The following PCDH15 variants were observed in gnomAD, a reference collection of about 807,000 sequenced individuals.
The protein encoded by PCDH15 is protocadherin related 15, also known as protocadherin-15.
In PCDH15, 129 loss-of-function variants were observed where a neutral mutation model predicts 178.5. The ratio of observed to expected loss-of-function variants is 0.72; its 90% CI spans 0.63 to 0.84. The LOEUF (loss-of-function observed/expected upper bound fraction) is 0.84. Among genes scored for constraint, PCDH15 ranks in the 40% least tolerant of loss-of-function variants. The pLI, the probability that PCDH15 is intolerant of heterozygous loss-of-function variation, is 0.00. For missense variants in PCDH15, 2,230 were observed against 2,099.9 expected, an observed-to-expected ratio of 1.06 and a Z score of -1.21; for synonymous variants, 800 against 732.0, an observed-to-expected ratio of 1.09 and a Z score of -1.50.
intron 2 of PCDH15, among the ~76,000 whole-genome samples, chr10:55,342,191 G>A (rs1844620705): frequency 6.6e-6 from 1 of 150,924 alleles, no homozygotes; most frequent in African/African-American, 2.4e-5. Flanking sequence ...TTTGTTTTGT[G>A]AATGACCTAC....
intron 2 of PCDH15, among the ~76,000 whole-genome samples, chr10:55,017,165 GAC>G (rs1840201581): frequency 6.6e-6 from 1 of 152,062 alleles, no homozygotes; most frequent in South Asian, 2.1e-4. Context: ...TCAAAAGACA[GAC>G]AAATGTATTT....
intron 37 of PCDH15, among the ~76,000 whole-genome samples, chr10:53,809,743 T>G (rs1008401455): frequency 2.6e-5 from 4 of 152,202 alleles, no homozygotes; most frequent in African/African-American, 9.7e-5. Context: ...ATTATTTTAT[T>G]TTAGCTTGTA....
At chr10:55,300,720 C>T (rs777310484) in intron 1 of PCDH15, among the ~76,000 whole-genome samples, 1 of 152,066 alleles carries the variant, frequency 6.6e-6, no homozygotes, top group Non-Finnish European at 1.5e-5. Context: ...ATTTTTATAT[C>T]ACACAACATG....
In PCDH15 at chr10:53,870,166, A is replaced by C. The variant is rs572008784; in HGVS notation, c.3502-3309T>G. Among the ~76,000 whole-genome samples the C allele has an allele frequency of 7.2e-5, 11 of 152,320 alleles. No individual in the cohort carries two copies. The South Asian group carries it at 2.1e-3, about 29-fold the overall frequency. ...ACTTTGCAATATTCCTAATATATTA[A>C]ATTATGATAACTACAAAATAGTCAT... On this transcript the variant is annotated intron_variant, in intron 26 of 37. Coordinates refer to ENST00000644397, the MANE Select transcript of PCDH15 (RefSeq NM_001384140.1).
At chr10:54,804,372 A>T (rs73268238), upstream of PCDH15, among the ~76,000 whole-genome samples, 1 of 152,206 alleles carries the variant, frequency 6.6e-6, no homozygotes, top group Non-Finnish European at 1.5e-5. Flanking sequence ...GACAAATAGT[A>T]TACATTCCCT....
intron 1 of PCDH15, among the ~76,000 whole-genome samples, chr10:55,229,924 T>C (rs1385486375): frequency 6.6e-6 from 1 of 151,998 alleles, no homozygotes; most frequent in Non-Finnish European, 1.5e-5. Context: ...TTCTGAACTA[T>C]ATGGACAATA....
rs369816269 is a variant in PCDH15 at position 53,825,114 on chromosome 10, T to A, written c.4367+2279A>T. On this transcript the variant is annotated intron_variant, in intron 32 of 37. Transcript: ENST00000644397. ...ATCTATTTTTCTAACGCTCTTCTAT[T>A]AGAGTGATATTATTTACTTACTTAT... is the stretch of plus-strand genomic sequence containing the variant. The A allele has an allele frequency of 1.2e-5, 18 of 1,535,224 alleles. No individual in the cohort carries two copies. In the African/African-American group the frequency reaches 2.2e-4, roughly 19 times the overall value.
intron 3 of PCDH15, among the ~76,000 whole-genome samples, chr10:54,509,061 A>T (rs2081412637): frequency 6.6e-6 from 1 of 152,112 alleles, no homozygotes; most frequent in Non-Finnish European, 1.5e-5. Flanking sequence ...GTTGGTGCTC[A>T]AAAATTTTCA....
At chr10:54,030,820 A>G (rs10825194) in intron 18 of PCDH15, among the ~76,000 whole-genome samples, 65,829 of 151,628 alleles carry the variant, frequency 0.43, 15,134 homozygotes, top group Middle Eastern at 0.64. Context: ...TATTTATGGT[A>G]TGAATCACCA....
chr10:54,195,225 C>G (rs892791615), intron 11 of PCDH15, among the ~76,000 whole-genome samples: 1 of 152,146 alleles, frequency 6.6e-6, no homozygotes, highest in Non-Finnish European at 1.5e-5. Context: ...CACATAGTCA[C>G]TGGCAGAAGT....
At chr10:54,511,002 C>T (rs548873683) in intron 3 of PCDH15, among the ~76,000 whole-genome samples, 23 of 152,100 alleles carry the variant, frequency 1.5e-4, no homozygotes, top group African/African-American at 3.9e-4. Context: ...TGATGGTTAG[C>T]GTGCTTTCAG....
At chr10:55,044,809 G>C (rs1028776594) in intron 2 of PCDH15, among the ~76,000 whole-genome samples, 3 of 151,968 alleles carry the variant, frequency 2.0e-5, no homozygotes, top group African/African-American at 7.2e-5. Context: ...CATGTGTTAG[G>C]TGTTATTCAA....
At chr10:54,844,006 A>G (rs2131755108) in intron 3 of PCDH15, among the ~76,000 whole-genome samples, 1 of 152,190 alleles carries the variant, frequency 6.6e-6, no homozygotes, top group South Asian at 2.1e-4. Context: ...TATAACACAG[A>G]GCATGGCTGA....
chr10:54,537,084 C>T (rs958297240), intron 2 of PCDH15, among the ~76,000 whole-genome samples: 5 of 143,772 alleles, frequency 3.5e-5, no homozygotes, highest in Admixed American at 7.2e-5. Context: ...CTGCAAGCTC[C>T]GCCTCCCAGG....
At position 54,877,936 on chromosome 10, in the gene PCDH15, C is replaced by CTTTTTTTT. The variant is rs1954176789; in HGVS notation, c.-29+19513_-29+19514insAAAAAAAA. On this transcript the variant is annotated intron_variant, in intron 3 of 5. Coordinates refer to the PCDH15 transcript ENST00000458638. The stretch of plus-strand genomic sequence containing the variant: ...TCTCTTATTCTCTTTCTCTCTCTCT[C>CTTTTTTTT]TCTTTTTTTTTTTTTTTTTTTTTTT... Among the ~76,000 whole-genome samples the CTTTTTTTT allele has an allele frequency of 9.6e-5, 10 of 104,350 alleles. 1 individual carries two copies. The highest frequency in any genetic ancestry group is 1.6e-4 in the Non-Finnish European group (8 of 50,060). The allele number at this position is 104,350 out of a possible 152,430, so 68.5% of individuals were successfully genotyped here.
intron 1 of PCDH15, among the ~76,000 whole-genome samples, chr10:55,189,365 T>C (rs1251437707): frequency 6.6e-6 from 1 of 151,944 alleles, no homozygotes; most frequent in Non-Finnish European, 1.5e-5. Context: ...TAAATGTATG[T>C]TCAACAATCT....
At chr10:55,137,553 G>T (rs1244340531) in intron 2 of PCDH15, among the ~76,000 whole-genome samples, 1 of 150,326 alleles carries the variant, frequency 6.7e-6, no homozygotes, top group African/African-American at 2.5e-5. Context: ...TTTTTTAAGG[G>T]TAAATCACTG....
chr10:53,999,139 C>A (rs2091999692), intron 20 of PCDH15, among the ~76,000 whole-genome samples: 1 of 151,580 alleles, frequency 6.6e-6, no homozygotes, highest in African/African-American at 2.4e-5. Context: ...TGAGGAGACA[C>A]AGACAGTATA....
intron 2 of PCDH15, among the ~76,000 whole-genome samples, chr10:54,605,140 T>A (rs1407757780): frequency 2.0e-5 from 3 of 151,950 alleles, no homozygotes; most frequent in Admixed American, 6.6e-5. Flanking sequence ...AATACTTTTT[T>A]AAATTTTAGA....
Sources: allele counts gnomAD v4.1 joint callset (sites outside exome capture counted in the v4.1 genomes callset), GRCh38; gene constraint gnomAD v4.1.1; transcripts MANE v1.5; gene names NCBI Gene and HGNC (gene_info 2026-07-23, HGNC 2026-07-21).